The following MGRN1 variants were observed in gnomAD, a reference collection of about 807,000 sequenced individuals.
MGRN1 encodes the protein E3 ubiquitin-protein ligase MGRN1.
Under a neutral mutation model 69.2 loss-of-function variants are expected in MGRN1, and 29 were observed. That is an observed-to-expected ratio of 0.42 (90% CI 0.31 to 0.57). The LOEUF is 0.57. Ranked by LOEUF, MGRN1 falls within the 20% of genes least tolerant of loss-of-function variation. The pLI, the probability that MGRN1 is intolerant of heterozygous loss-of-function variation, is 0.15. For synonymous variants in MGRN1, 470 were observed against 344.2 expected (o/e 1.37, Z -4.04); for missense variants, 998 against 796.2 (o/e 1.25, Z -3.05).
chr16:4,630,511 C>T (rs927100785), intron 1 of MGRN1, among the ~76,000 whole-genome samples: 8 of 151,814 alleles, frequency 5.3e-5, no homozygotes, highest in Non-Finnish European at 1.0e-4. Flanking sequence ...AGTGTAGTGG[C>T]ATGATCTTAG....
chr16:4,687,207 T>TC (rs75241973), intron 16 of MGRN1: 545,694 of 984,358 alleles, frequency 0.55, 152,667 homozygotes, highest in East Asian at 0.64. Flanking sequence ...GCATCCCCCA[T>TC]CCCCCCCAAG....
intron 2 of MGRN1, 33 bp from the exon 3 acceptor site, chr16:4,651,930 G>A (rs545957755): frequency 1.9e-6 from 3 of 1,601,440 alleles, no homozygotes; most frequent in East Asian, 2.2e-5. Flanking sequence ...GCTCCTGAGG[G>A]AGTCACCTGG....
Position 4,681,607 on chromosome 16 carries a change from G to C in MGRN1, c.1189G>C (p.Gly397Arg). ...EPISLLEALN[G>R]LRAVSPAIPS... The stretch of plus-strand genomic sequence containing the variant: ...CATCTCGCTGCTCGAGGCGCTCAAC[G>C]GCCTCCGGGCTGTCTCCCCGGCCAT... Residue 397 changes from glycine to arginine, a missense_variant, in exon 13 of 17, where the codon GGC becomes CGC. Physicochemically the swap from Gly to Arg is moderately radical, Grantham distance 125. Coordinates refer to ENST00000262370, the MANE Select transcript of MGRN1 (RefSeq NM_015246.4). 1 of 1,613,508 alleles carries C rather than the reference G, an allele frequency of 6.2e-7. No individual in the cohort carries two copies. The highest frequency in any genetic ancestry group is 1.1e-5 in the South Asian group (1 of 91,084).
At chr16:4,657,955 G>A (rs1156919361) in intron 5 of MGRN1, among the ~76,000 whole-genome samples, 1 of 151,232 alleles carries the variant, frequency 6.6e-6, no homozygotes, top group Admixed American at 6.6e-5. Flanking sequence ...TGTTAGCCAG[G>A]ATGGTCTTGA....
Position 4,653,596 on chromosome 16 carries a change from C to CT in MGRN1, c.443+773dup, listed in dbSNP as rs143293012. Among the ~76,000 whole-genome samples the CT allele has an allele frequency of 7.9e-3, 1,203 of 152,240 alleles. 14 individuals carry two copies. The highest frequency in any genetic ancestry group is 0.028 in the African/African-American group (1,144 of 41,518). ...CTCCGCCTCCCGAGTTGAAGCAATTCTCCTGCCTCAGCCTCCTGAGTAGCT... is the reference window on the plus strand; with the variant it reads ...CTCCGCCTCCCGAGTTGAAGCAATTCTTCCTGCCTCAGCCTCCTGAGTAGCT... On this transcript the variant is annotated intron_variant, in intron 4 of 16. Coordinates refer to ENST00000262370, the MANE Select transcript of MGRN1 (RefSeq NM_015246.4).
chr16:4,652,347 C>T (rs1043980889), intron 3 of MGRN1, among the ~76,000 whole-genome samples: 1 of 152,010 alleles, frequency 6.6e-6, no homozygotes, highest in Non-Finnish European at 1.5e-5. Context: ...GACTTCCTGC[C>T]ATGCACAGGA....
At chr16:4,665,667 CTTTT>C (rs35226786) in intron 7 of MGRN1, among the ~76,000 whole-genome samples, 3 of 127,586 alleles carry the variant, frequency 2.4e-5, no homozygotes, top group Admixed American at 7.9e-5. Context: ...CGTGCCCGGC[CTTTT>C]TTTTTTTTTT....
intron 1 of MGRN1, among the ~76,000 whole-genome samples, chr16:4,625,701 A>G (rs980735543): frequency 6.6e-6 from 1 of 152,222 alleles, no homozygotes; most frequent in African/African-American, 2.4e-5. Flanking sequence ...GGATGGAAGC[A>G]TAGTTGGGAC....
At position 4,673,539 on chromosome 16, in the gene MGRN1, G is replaced by C; in HGVS notation, c.837G>C (p.Val279=). Residue 279 remains valine (V), a synonymous_variant, in exon 10 of 17, where the codon GTG becomes GTC. Coordinates refer to ENST00000262370, the MANE Select transcript of MGRN1 (RefSeq NM_015246.4). ...ACAGCGACAACAGCAACGAGTGTGT[G>C]GTGTGCCTGTCCGACCTGCGGGACA... ...DENSDNSNEC[V]VCLSDLRDTL... is the part of the protein sequence containing the mutation. The C allele has an allele frequency of 6.2e-7, 1 of 1,613,680 alleles. No homozygotes were observed. Among genetic ancestry groups the C allele is most frequent in the Non-Finnish European group, 8.5e-7 (1 of 1,179,990 alleles).
chr16:4,672,375 A>G (rs1393315060), intron 9 of MGRN1: 5 of 456,594 alleles, frequency 1.1e-5, no homozygotes, highest in Non-Finnish European at 2.2e-5. Context: ...GCACACTGAC[A>G]TGAGTGAAAC....
chr16:4,638,135 G>A (rs1052831933), intron 1 of MGRN1, among the ~76,000 whole-genome samples: 1 of 152,136 alleles, frequency 6.6e-6, no homozygotes, highest in Non-Finnish European at 1.5e-5. Flanking sequence ...TCCTCAGGAC[G>A]TCCTGAGTTT....
intron 1 of MGRN1, among the ~76,000 whole-genome samples, chr16:4,645,311 C>T (rs1243998470): frequency 6.6e-6 from 1 of 152,036 alleles, no homozygotes; most frequent in Non-Finnish European, 1.5e-5. Flanking sequence ...GGACTACAGG[C>T]ATGCGCTGCC....
At chr16:4,688,731 T>C (rs1217013399) in intron 16 of MGRN1, 65 bp from the exon 17 acceptor site, 17 of 1,491,372 alleles carry the variant, frequency 1.1e-5, no homozygotes, top group Non-Finnish European at 1.3e-5. Context: ...TCCAGATCGG[T>C]AGGAGCGGGT....
chr16:4,683,623 C>T (rs1291597072), intron 15 of MGRN1, among the ~76,000 whole-genome samples: 2 of 152,036 alleles, frequency 1.3e-5, no homozygotes, highest in Admixed American at 6.5e-5. Flanking sequence ...AAAAAAGCCC[C>T]ATGCTGGGGG....
chr16:4,627,516 G>C (rs570724538), intron 1 of MGRN1, among the ~76,000 whole-genome samples: 35 of 152,246 alleles, frequency 2.3e-4, no homozygotes, highest in Non-Finnish European at 2.5e-4. Context: ...GGCCAGGCGC[G>C]GTGGCTCACG....
intron 1 of MGRN1, among the ~76,000 whole-genome samples, chr16:4,648,718 C>T (rs1197092034): frequency 8.3e-6 from 1 of 121,178 alleles, no homozygotes; most frequent in African/African-American, 3.5e-5. Flanking sequence ...CCCGTGGTCA[C>T]CCGGCTCCTC....
At chr16:4,628,837 G>GCCCA (rs1178926205) in intron 1 of MGRN1, among the ~76,000 whole-genome samples, 2 of 151,648 alleles carry the variant, frequency 1.3e-5, no homozygotes, top group African/African-American at 4.8e-5. Flanking sequence ...GAGCCACTAT[G>GCCCA]CCCAGCCTTT....
chr16:4,628,406 AG>A (rs1402475516), intron 1 of MGRN1, among the ~76,000 whole-genome samples: 9 of 145,852 alleles, frequency 6.2e-5, no homozygotes, highest in African/African-American at 2.3e-4. Flanking sequence ...AAAAAAAAGG[AG>A]GGGACATTGA....
intron 1 of MGRN1, among the ~76,000 whole-genome samples, chr16:4,635,224 C>T (rs1281583290): frequency 6.6e-6 from 1 of 151,718 alleles, no homozygotes; most frequent in Non-Finnish European, 1.5e-5. Flanking sequence ...CCAGCCTGGC[C>T]AACATGGCAA....
Sources: gnomAD v4.1 joint callset for allele counts (sites outside exome capture counted in the v4.1 genomes callset) on GRCh38, gnomAD v4.1.1 for gene constraint, MANE v1.5 for transcripts, NCBI Gene and HGNC (gene_info 2026-07-23, HGNC 2026-07-21) for gene names.